The following SAMSN1 variants were observed in gnomAD, a reference collection of about 807,000 sequenced individuals.
SAMSN1 encodes SAM domain, SH3 domain and nuclear localization signals 1.
SAMSN1 carries 31 observed loss-of-function variants against 42.0 expected under a neutral mutation model. That is an observed-to-expected ratio of 0.74 (90% confidence interval 0.55 to 1.00). SAMSN1 has a LOEUF of 1.00. SAMSN1 is among the 50% of genes least tolerant of loss of function. SAMSN1 has a pLI of 0.00. For synonymous variants in SAMSN1, 178 were observed against 151.9 expected, an observed-to-expected ratio of 1.17 and a Z score of -1.26; for missense variants, 464 against 439.4, an observed-to-expected ratio of 1.06 and a Z score of -0.50.
rs1229772991 is a variant in SAMSN1 at position 14,577,276 on chromosome 21, ATATATATATT to A, written c.261+4850_261+4859del. Among the ~76,000 whole-genome samples the A allele has an allele frequency of 6.4e-4, 32 of 50,308 alleles. 4 individuals are homozygous for A. The highest frequency in any genetic ancestry group is 5.5e-4 in the East Asian group (1 of 1,820). The allele number at this position is 50,308 out of a possible 152,430, so 33.0% of individuals were successfully genotyped here. A position where few individuals can be genotyped will look rare whatever the true frequency, so the allele number is the denominator to read the frequency against. ...TATATATATATATATATATATATATATATATATATTTTTTTTTTAGAAGAGACAGGGTTTT... is the reference window on the plus strand; with the variant it reads ...TATATATATATATATATATATATATATTTTTTTTAGAAGAGACAGGGTTTT... On this transcript the variant is annotated intron_variant, in intron 2 of 8. Transcript: ENST00000285670.
At chr21:14,511,300 T>C (rs1987677605) in intron 4 of SAMSN1, among the ~76,000 whole-genome samples, 1 of 152,192 alleles carries the variant, frequency 6.6e-6, no homozygotes, top group African/African-American at 2.4e-5. Flanking sequence ...ACAGTAATGG[T>C]AAAATGGACC....
intron 2 of SAMSN1, among the ~76,000 whole-genome samples, chr21:14,565,557 C>T (rs1383642734): frequency 6.6e-6 from 1 of 152,104 alleles, no homozygotes; most frequent in Non-Finnish European, 1.5e-5. Context: ...AACATGGGTT[C>T]TTGGCCTCCA....
intron 7 of SAMSN1, among the ~76,000 whole-genome samples, chr21:14,487,998 C>CT (rs1986512526): frequency 1.3e-5 from 2 of 151,902 alleles, no homozygotes; most frequent in East Asian, 3.9e-4. Context: ...CTTTCTAAGC[C>CT]CTTTTTTTTA....
Position 14,485,674 on chromosome 21 carries a change from T to C in SAMSN1, c.*238A>G. 1 of 354,932 alleles carries C rather than the reference T, an allele frequency of 2.8e-6. No homozygotes were observed. Among genetic ancestry groups the C allele is most frequent in the Non-Finnish European group, 5.1e-6 (1 of 196,740 alleles). 22.0% of individuals were successfully genotyped at this position (354,932 alleles called of 1,614,324 possible). A position where few individuals can be genotyped will look rare whatever the true frequency, so the allele number is the denominator to read the frequency against. On this transcript the variant is annotated 3_prime_UTR_variant, in exon 8 of 8. Transcript: ENST00000400566. Reference sequence around the variant, plus strand: ...ACCAAAGTCTTACATTTTGCCTTTCTAATACAAGCAAGTGAAATATTAACA... The same window carrying C: ...ACCAAAGTCTTACATTTTGCCTTTCCAATACAAGCAAGTGAAATATTAACA...
chr21:14,497,064 G>A (rs1986940524), intron 7 of SAMSN1, among the ~76,000 whole-genome samples: 1 of 152,124 alleles, frequency 6.6e-6, no homozygotes, highest in Non-Finnish European at 1.5e-5. Context: ...GTTACTTGTA[G>A]TGTTAGAAAG....
chr21:14,551,781 C>G (rs560292327), intron 2 of SAMSN1, among the ~76,000 whole-genome samples: 1 of 152,014 alleles, frequency 6.6e-6, no homozygotes, highest in Admixed American at 6.6e-5. Flanking sequence ...CAAAAATCTT[C>G]ATGAGCTGGT....
chr21:14,605,319 A>T (rs1038087741), intron 5 of SAMSN1, among the ~76,000 whole-genome samples: 2 of 152,240 alleles, frequency 1.3e-5, no homozygotes, highest in Admixed American at 6.5e-5. Flanking sequence ...TATATGAGGC[A>T]TCACACCATG....
intron 2 of SAMSN1, among the ~76,000 whole-genome samples, chr21:14,616,667 C>A (rs8132385): frequency 0.011 from 1,744 of 152,288 alleles, 23 homozygotes; most frequent in African/African-American, 0.039. Flanking sequence ...CTTTATTATT[C>A]ACCTACTCCT....
intron 1 of SAMSN1, among the ~76,000 whole-genome samples, chr21:14,650,951 C>T (rs772477617): frequency 1.3e-5 from 2 of 151,842 alleles, no homozygotes; most frequent in Non-Finnish European, 2.9e-5. Context: ...TTCCTAGATG[C>T]ATACAACCTA....
chr21:14,535,854 A>C (rs1979576929), intron 1 of SAMSN1, among the ~76,000 whole-genome samples: 2 of 152,208 alleles, frequency 1.3e-5, no homozygotes, highest in Admixed American at 6.5e-5. Flanking sequence ...AACCTCCAGA[A>C]GTGTGAGAAA....
chr21:14,488,431 T>A (rs1027017289), intron 7 of SAMSN1, among the ~76,000 whole-genome samples: 1 of 152,140 alleles, frequency 6.6e-6, no homozygotes, highest in African/African-American at 2.4e-5. Context: ...TGAAGCAGAG[T>A]CTTTAAGAAC....
chr21:14,640,570 T>A (rs1396169368), intron 2 of SAMSN1, among the ~76,000 whole-genome samples: 2 of 152,018 alleles, frequency 1.3e-5, no homozygotes, highest in East Asian at 3.8e-4. Context: ...AAGAAAAAAA[T>A]CTATTCTTCA....
At chr21:14,487,890 A>G (rs1164726951) in intron 7 of SAMSN1, among the ~76,000 whole-genome samples, 1 of 152,116 alleles carries the variant, frequency 6.6e-6, no homozygotes, top group Non-Finnish European at 1.5e-5. Context: ...TTTAGCTACC[A>G]TGGAAGCATT....
intron 1 of SAMSN1, among the ~76,000 whole-genome samples, chr21:14,521,923 T>C (rs1009074170): frequency 1.3e-5 from 2 of 149,364 alleles, no homozygotes; most frequent in Admixed American, 1.3e-4. Context: ...AGAACATAAG[T>C]GCATTTTCTA....
chr21:14,501,936 G>A (rs1484740287), intron 5 of SAMSN1, among the ~76,000 whole-genome samples: 2 of 152,148 alleles, frequency 1.3e-5, no homozygotes, highest in Non-Finnish European at 2.9e-5. Flanking sequence ...ACCTCATGGG[G>A]ATATTTATTT....
At chr21:14,609,090 A>T (rs1279138965) in intron 5 of SAMSN1, among the ~76,000 whole-genome samples, 3 of 152,090 alleles carry the variant, frequency 2.0e-5, no homozygotes, top group Non-Finnish European at 4.4e-5. Flanking sequence ...TAAATTTTTT[A>T]AGAAGACTTA....
intron 1 of SAMSN1, among the ~76,000 whole-genome samples, chr21:14,656,757 A>T (rs1037101398): frequency 4.6e-5 from 7 of 151,476 alleles, no homozygotes; most frequent in African/African-American, 1.7e-4. Flanking sequence ...TCTCTTAAAA[A>T]CCCCATTTAC....
intron 1 of SAMSN1, among the ~76,000 whole-genome samples, chr21:14,533,084 TA>T (rs768505562): frequency 6.6e-6 from 1 of 152,012 alleles, no homozygotes; most frequent in African/African-American, 2.4e-5. Context: ...AGCTAACTTT[TA>T]TTTTTTTTAT....
intron 2 of SAMSN1, 43 bp from the exon 3 acceptor site, chr21:14,517,084 A>T: frequency 1.3e-6 from 2 of 1,539,370 alleles, no homozygotes; most frequent in Non-Finnish European, 1.8e-6. Context: ...ATAAAGCAAT[A>T]AAAAACATTG....
Sources: gnomAD v4.1 joint callset for allele counts (sites outside exome capture counted in the v4.1 genomes callset) on GRCh38, gnomAD v4.1.1 for gene constraint, MANE v1.5 for transcripts, NCBI Gene and HGNC (gene_info 2026-07-23, HGNC 2026-07-21) for gene names.